XIRP2: variants seen among roughly 807,000 people sequenced by gnomAD.
XIRP2 encodes the protein xin actin binding repeat containing 2, also known as xin actin-binding repeat-containing protein 2.
A neutral mutation model predicts 277.0 loss-of-function variants in XIRP2; 236 were observed. The ratio of observed to expected loss-of-function variants is 0.85; its 90% CI spans 0.77 to 0.95. The LOEUF (loss-of-function observed/expected upper bound fraction) is 0.95, where lower values mean the gene tolerates loss of function less well. XIRP2 is among the 40% of genes least tolerant of loss of function. XIRP2 has a pLI of 0.00. For synonymous variants in XIRP2, 1,490 were observed against 1,416.5 expected (o/e 1.05, Z -1.17); for missense variants, 4,640 against 4,157.5 (o/e 1.12, Z -3.19).
intron 2 of XIRP2, among the ~76,000 whole-genome samples, chr2:166,929,397 A>G (rs917639015): frequency 6.6e-6 from 1 of 152,088 alleles, no homozygotes; most frequent in Admixed American, 6.6e-5. Flanking sequence ...AAAAGCAAAG[A>G]TTTCAGGGAT....
intron 5 of XIRP2, among the ~76,000 whole-genome samples, chr2:167,237,418 A>G (rs1165331781): frequency 6.6e-6 from 1 of 152,062 alleles, no homozygotes; most frequent in Non-Finnish European, 1.5e-5. Context: ...CATGGGTACC[A>G]GACAAGTTTT....
At chr2:167,229,310 G>A (rs1694689901) in intron 5 of XIRP2, among the ~76,000 whole-genome samples, 1 of 152,026 alleles carries the variant, frequency 6.6e-6, no homozygotes, top group Non-Finnish European at 1.5e-5. Flanking sequence ...ATATAAAATA[G>A]AATTCTCAAG....
At position 167,237,442 on chromosome 2, in the gene XIRP2, T is replaced by A. The variant is rs188500409; in HGVS notation, c.859-2413T>A. On this transcript the variant is annotated intron_variant, in intron 5 of 10. Transcript: ENST00000409195. ...CAGACAAGTTTTGTTGCTTTTTTTT[T>A]TAAATGTCATCTTGCTCTTAAATAT... Among the ~76,000 whole-genome samples, 396 of 152,264 alleles carry A rather than the reference T, an allele frequency of 2.6e-3. 1 individual carries two copies. Among genetic ancestry groups the A allele is most frequent in the African/African-American group, 8.8e-3 (366 of 41,546 alleles).
intron 2 of XIRP2, among the ~76,000 whole-genome samples, chr2:167,061,788 C>T (rs1689179985): frequency 1.3e-5 from 2 of 151,892 alleles, no homozygotes; most frequent in Admixed American, 1.3e-4. Flanking sequence ...CGGCAACCAC[C>T]GAAAGCTAGG....
At chr2:166,935,009 C>T (rs761802004) in intron 2 of XIRP2, among the ~76,000 whole-genome samples, 7 of 149,092 alleles carry the variant, frequency 4.7e-5, no homozygotes, top group African/African-American at 9.8e-5. Flanking sequence ...CCAGCCTGGG[C>T]GACAGAGGGC....
rs567209151 is a variant in XIRP2 at position 167,257,946 on chromosome 2, G to T, written c.*129G>T. 1.9e-6 allele frequency: 3 copies of T among 1,612,920 alleles called. No homozygotes were observed. The highest frequency in any genetic ancestry group is 2.5e-6 in the Non-Finnish European group (3 of 1,179,374). ...AAATCCAAAGGAAATTATGATGAAG[G>T]TTTTGGACATAAGCAGCATAAAGAT... On this transcript the variant is annotated 3_prime_UTR_variant, in exon 11 of 11. Transcript: ENST00000409195.
intron 2 of XIRP2, among the ~76,000 whole-genome samples, chr2:167,106,154 C>G (rs953880216): frequency 6.6e-6 from 1 of 151,448 alleles, no homozygotes; most frequent in Non-Finnish European, 1.5e-5. Flanking sequence ...AGGTATTTAC[C>G]TGACTAAAAG....
intron 2 of XIRP2, among the ~76,000 whole-genome samples, chr2:167,111,850 A>G (rs925324349): frequency 6.6e-6 from 1 of 151,836 alleles, no homozygotes; most frequent in Non-Finnish European, 1.5e-5. Context: ...GTTGGAACTC[A>G]TTATTGGTCT....
intron 3 of XIRP2, among the ~76,000 whole-genome samples, chr2:167,189,192 G>A (rs180984198): frequency 6.6e-6 from 1 of 152,190 alleles, no homozygotes; most frequent in Admixed American, 6.5e-5. Context: ...ATGTGGAGTT[G>A]GGCACTCCTG....
chr2:166,942,468 T>A, intron 2 of XIRP2, among the ~76,000 whole-genome samples: 1 of 152,232 alleles, frequency 6.6e-6, no homozygotes, highest in East Asian at 1.9e-4. Context: ...TGAGGTCATT[T>A]GCAACTGCGG....
In XIRP2 at chr2:167,250,891, A is replaced by G; in HGVS notation, c.9499A>G (p.Arg3167Gly). 1 of 1,613,452 alleles carries G rather than the reference A, an allele frequency of 6.2e-7. No homozygotes were observed. Among genetic ancestry groups the G allele is most frequent in the East Asian group, 2.2e-5 (1 of 44,800 alleles). Reference sequence around the variant, plus strand: ...CATGTCGCAAAAATCTGAAATTCACAGAGCAAACACTTCCCCTTCTCCACC... The same window carrying G: ...CATGTCGCAAAAATCTGAAATTCACGGAGCAAACACTTCCCCTTCTCCACC... ...RPMSQKSEIH[R>G]ANTSPSPPRS... Residue 3167 changes from arginine to glycine, a missense_variant, in exon 9 of 11, where the codon AGA becomes GGA. Physicochemically the swap from Arg to Gly is moderately radical, Grantham distance 125. Coordinates refer to ENST00000409195, the MANE Select transcript of XIRP2 (RefSeq NM_152381.6).
At chr2:166,920,278 C>T (rs1450364582) in intron 2 of XIRP2, among the ~76,000 whole-genome samples, 5 of 152,016 alleles carry the variant, frequency 3.3e-5, no homozygotes, top group African/African-American at 1.2e-4. Flanking sequence ...GTTAATTTGC[C>T]CAAGAGTACA....
At position 167,250,865 on chromosome 2, in the gene XIRP2, C is replaced by T; in HGVS notation, c.9473C>T (p.Pro3158Leu). 2 of 1,613,416 alleles carry T rather than the reference C, an allele frequency of 1.2e-6. No individual in the cohort carries two copies. The highest frequency in any genetic ancestry group is 1.7e-6 in the Non-Finnish European group (2 of 1,179,656). Residue 3158 changes from proline to leucine, a missense_variant, in exon 9 of 11, where the codon CCC becomes CTC. By Grantham distance (98) the Pro-to-Leu change is moderately conservative (BLOSUM62 -3). Coordinates refer to ENST00000409195, the MANE Select transcript of XIRP2 (RefSeq NM_152381.6). ...TATGTTGAACCCCCACCAAGAAGGC[C>T]CATGTCGCAAAAATCTGAAATTCAC... Reference protein sequence around the residue: ...DSYVEPPPRRPMSQKSEIHRA... With the variant: ...DSYVEPPPRRLMSQKSEIHRA...
intron 3 of XIRP2, among the ~76,000 whole-genome samples, chr2:167,207,592 T>C (rs1693895367): frequency 6.6e-6 from 1 of 152,204 alleles, no homozygotes; most frequent in South Asian, 2.1e-4. Context: ...GAAGGCATAA[T>C]GAATTTCTGT....
At chr2:166,963,766 C>G (rs1460138286) in intron 2 of XIRP2, among the ~76,000 whole-genome samples, 1 of 151,726 alleles carries the variant, frequency 6.6e-6, no homozygotes, top group Non-Finnish European at 1.5e-5. Flanking sequence ...GAGAGGTAAG[C>G]AGGAGTGACA....
intron 2 of XIRP2, among the ~76,000 whole-genome samples, chr2:167,084,452 T>A (rs1574238029): frequency 6.6e-6 from 1 of 151,476 alleles, no homozygotes; most frequent in East Asian, 1.9e-4. Flanking sequence ...GATGCTGGCC[T>A]CATAAAATGA....
intron 2 of XIRP2, among the ~76,000 whole-genome samples, chr2:167,053,626 A>T (rs1325384736): frequency 2.0e-5 from 3 of 152,168 alleles, no homozygotes; most frequent in Admixed American, 2.0e-4. Context: ...AATGTAGTAA[A>T]AAAGTTTTGT....
chr2:166,978,010 A>G (rs1686760847), intron 2 of XIRP2, among the ~76,000 whole-genome samples: 1 of 152,130 alleles, frequency 6.6e-6, no homozygotes, highest in Admixed American at 6.5e-5. Context: ...TTATAATTCA[A>G]GTCTAATTAA....
chr2:166,940,011 A>G (rs1574098082), intron 2 of XIRP2, among the ~76,000 whole-genome samples: 1 of 152,078 alleles, frequency 6.6e-6, no homozygotes, highest in African/African-American at 2.4e-5. Context: ...TAGATTGGGG[A>G]AGTTCTCCTG....
Sources: gnomAD v4.1 joint callset for allele counts (sites outside exome capture counted in the v4.1 genomes callset) on GRCh38, gnomAD v4.1.1 for gene constraint, MANE v1.5 for transcripts, NCBI Gene and HGNC (gene_info 2026-07-23, HGNC 2026-07-21) for gene names.